NSMCE2: variants seen among roughly 807,000 people sequenced by gnomAD.
NSMCE2 encodes NSE2 SUMO ligase component of SMC5/6 complex.
Under a neutral mutation model 23.8 loss-of-function variants are expected in NSMCE2, and 24 were observed. The ratio of observed to expected loss-of-function variants is 1.01; its 90% CI spans 0.73 to 1.42. NSMCE2 has a LOEUF of 1.42. Ranked by LOEUF, NSMCE2 falls within the 40% of genes most tolerant of loss-of-function variation. The pLI, the probability that NSMCE2 is intolerant of heterozygous loss-of-function variation, is 0.00. For missense variants in NSMCE2, 284 were observed against 296.5 expected (o/e 0.96, Z 0.31); for synonymous variants, 92 against 94.1 (o/e 0.98, Z 0.13).
intron 5 of NSMCE2, among the ~76,000 whole-genome samples, chr8:125,269,970 A>G (rs1456205631): frequency 6.6e-6 from 1 of 152,360 alleles, no homozygotes; most frequent in Non-Finnish European, 1.5e-5. Flanking sequence ...CTAAAGGACA[A>G]GCACGGCCCT....
chr8:125,184,346 ACTT>A (rs71735628), intron 5 of NSMCE2, among the ~76,000 whole-genome samples: 3,278 of 152,284 alleles, frequency 0.022, 126 homozygotes, highest in African/African-American at 0.075. Flanking sequence ...CATGGCTATT[ACTT>A]CTTAAATCTC....
intron 5 of NSMCE2, among the ~76,000 whole-genome samples, chr8:125,284,026 C>T (rs1185768937): frequency 5.3e-5 from 8 of 151,738 alleles, no homozygotes; most frequent in African/African-American, 7.3e-5. Context: ...TGGTGGCGGG[C>T]GCCTGTAGTC....
intron 3 of NSMCE2, among the ~76,000 whole-genome samples, chr8:125,150,361 T>G (rs1167751743): frequency 6.6e-6 from 1 of 151,792 alleles, no homozygotes. Flanking sequence ...TTTTTAAGAT[T>G]TATTTTTTTT....
intron 5 of NSMCE2, among the ~76,000 whole-genome samples, chr8:125,272,796 TATATATATACACACAC>T: frequency 7.1e-6 from 1 of 141,384 alleles, no homozygotes; most frequent in African/African-American, 2.7e-5. Flanking sequence ...TACACATGTG[TATATATATACACACAC>T]GTATATATAT....
At chr8:125,168,755 A>G (rs1822025299) in intron 4 of NSMCE2, among the ~76,000 whole-genome samples, 1 of 152,244 alleles carries the variant, frequency 6.6e-6, no homozygotes, top group South Asian at 2.1e-4. Flanking sequence ...TGGAGGGCAC[A>G]CAGGCTTTCA....
intron 4 of NSMCE2, among the ~76,000 whole-genome samples, chr8:125,151,978 C>T (rs1386315703): frequency 3.3e-5 from 5 of 152,098 alleles, no homozygotes; most frequent in Admixed American, 2.6e-4. Context: ...TTTCTGGTTT[C>T]GTTATTTGCC....
intron 4 of NSMCE2, among the ~76,000 whole-genome samples, chr8:125,152,696 G>T (rs912456115): frequency 6.6e-6 from 1 of 152,138 alleles, no homozygotes; most frequent in African/African-American, 2.4e-5. Context: ...GTCAAAGAAC[G>T]TTATGTTGAT....
At chr8:125,215,528 A>G (rs1824543789) in intron 5 of NSMCE2, among the ~76,000 whole-genome samples, 1 of 152,128 alleles carries the variant, frequency 6.6e-6, no homozygotes, top group Non-Finnish European at 1.5e-5. Context: ...TTATAGCAGC[A>G]TGATTTATAG....
chr8:125,236,970 A>G (rs1371065606), intron 5 of NSMCE2, among the ~76,000 whole-genome samples: 1 of 152,206 alleles, frequency 6.6e-6, no homozygotes, highest in African/African-American at 2.4e-5. Context: ...CCTTAAGTAG[A>G]ACAAAGGGCT....
At chr8:125,220,298 C>T (rs1824792230) in intron 5 of NSMCE2, among the ~76,000 whole-genome samples, 1 of 151,814 alleles carries the variant, frequency 6.6e-6, no homozygotes, top group African/African-American at 2.4e-5. Context: ...CTGGAGTTGC[C>T]TAACAGTATA....
intron 5 of NSMCE2, among the ~76,000 whole-genome samples, chr8:125,279,029 C>A (rs112531752): frequency 6.6e-6 from 1 of 152,108 alleles, no homozygotes; most frequent in Non-Finnish European, 1.5e-5. Context: ...TCAGCTATAA[C>A]CACCACGAGG....
chr8:125,170,376 C>CTTTTTTTTTTTTTTTTTTT (rs565593006), intron 4 of NSMCE2, among the ~76,000 whole-genome samples: 3 of 37,864 alleles, frequency 7.9e-5, no homozygotes, highest in African/African-American at 1.7e-4. Flanking sequence ...CTCTTTATTT[C>CTTTTTTTTTTTTTTTTTTT]TTTTTTTTTT....
Position 125,122,172 on chromosome 8 carries a change from CAAAAAAA to C in NSMCE2, c.157+19702_157+19708del, listed in dbSNP as rs796879544. Among the ~76,000 whole-genome samples the C allele has an allele frequency of 5.7e-3, 264 of 45,998 alleles. 1 individual carries two copies. Among genetic ancestry groups the C allele is most frequent in the Non-Finnish European group, 7.6e-3 (186 of 24,566 alleles). The allele number at this position is 45,998 out of a possible 152,430, so 30.2% of individuals were successfully genotyped here. A position where few individuals can be genotyped will look rare whatever the true frequency, so the allele number is the denominator to read the frequency against. On this transcript the variant is annotated intron_variant, in intron 3 of 7. Coordinates refer to ENST00000287437, the MANE Select transcript of NSMCE2 (RefSeq NM_173685.4). ...GACTTAGAAGGTTCTCTGGCTGAGC[CAAAAAAA>C]AAAAAAAAAAAAAAAATGCTGCCTA... is the stretch of plus-strand genomic sequence containing the variant.
At chr8:125,120,660 A>G (rs577103167) in intron 3 of NSMCE2, among the ~76,000 whole-genome samples, 1 of 152,326 alleles carries the variant, frequency 6.6e-6, no homozygotes, top group South Asian at 2.1e-4. Flanking sequence ...TAGGCCTGTC[A>G]GCAATTGACC....
intron 3 of NSMCE2, among the ~76,000 whole-genome samples, chr8:125,102,948 T>C (rs890636214): frequency 6.6e-6 from 1 of 152,156 alleles, no homozygotes; most frequent in Non-Finnish European, 1.5e-5. Flanking sequence ...TTACCTACAT[T>C]TGTTCAATCA....
intron 5 of NSMCE2, among the ~76,000 whole-genome samples, chr8:125,195,311 A>G (rs1184423301): frequency 2.0e-5 from 3 of 152,084 alleles, no homozygotes; most frequent in Non-Finnish European, 4.4e-5. Flanking sequence ...TTCTCCTGGC[A>G]ATGCTAATGT....
chr8:125,224,294 A>G (rs1825000321), intron 5 of NSMCE2, among the ~76,000 whole-genome samples: 1 of 152,180 alleles, frequency 6.6e-6, no homozygotes, highest in Non-Finnish European at 1.5e-5. Context: ...TTTACTATGC[A>G]GAAGCGTTTT....
intron 5 of NSMCE2, among the ~76,000 whole-genome samples, chr8:125,267,224 T>G (rs1826959758): frequency 6.6e-6 from 1 of 152,060 alleles, no homozygotes; most frequent in Non-Finnish European, 1.5e-5. Context: ...GCCAGGCTGG[T>G]CTCAAACTCC....
chr8:125,215,606 G>A lies in NSMCE2; in HGVS notation c.418+33350G>A, dbSNP rs113124881. Among the ~76,000 whole-genome samples the A allele has an allele frequency of 1.4e-3, 210 of 152,268 alleles. 1 individual carries two copies. Among genetic ancestry groups the A allele is most frequent in the African/African-American group, 4.6e-3 (192 of 41,556 alleles). On this transcript the variant is annotated intron_variant, in intron 5 of 7. Coordinates refer to ENST00000287437, the MANE Select transcript of NSMCE2 (RefSeq NM_173685.4). ...GGTATTTCTAGTTCTAGATCCCTGA[G>A]GAATCGCCTATGTCCTGAATGGTAA...
Sources: allele counts gnomAD v4.1 joint callset (sites outside exome capture counted in the v4.1 genomes callset), GRCh38; gene constraint gnomAD v4.1.1; transcripts MANE v1.5; gene names NCBI Gene and HGNC (gene_info 2026-07-23, HGNC 2026-07-21).